Variants in SFR1 observed in about 807,000 individuals in gnomAD.
SFR1 encodes the protein swi5-dependent recombination DNA repair protein 1 homolog.
In SFR1, 24 loss-of-function variants were observed where a neutral mutation model predicts 26.2. The observed-to-expected ratio is 0.92, with a 90% CI of 0.66 to 1.29. The LOEUF is 1.29. SFR1 is among the 50% of genes most tolerant of loss of function. The pLI, the probability that SFR1 is intolerant of heterozygous loss-of-function variation, is 0.00. For missense variants in SFR1, 276 were observed against 270.2 expected, an observed-to-expected ratio of 1.02 and a Z score of -0.15; for synonymous variants, 77 against 96.6, an observed-to-expected ratio of 0.80 and a Z score of 1.19.
At chr10:104,122,359 G>A (rs1354816071) in intron 1 of SFR1, 163 bp downstream of exon 1, 1 of 985,216 alleles carries the variant, frequency 1.0e-6, no homozygotes, top group African/African-American at 1.7e-5. Flanking sequence ...GGGGAAGGAG[G>A]GGACGACTCC....
At chr10:104,122,383 C>T (rs2086973977) in intron 1 of SFR1, 187 bp downstream of exon 1, 8 of 985,434 alleles carry the variant, frequency 8.1e-6, no homozygotes, top group South Asian at 9.4e-5. Context: ...CCCTAGTTTA[C>T]CCCTCAAAAG....
rs747031816 is a variant in SFR1, at chr10:104,122,215, G to A, written c.13+19G>A. 17 of 1,537,340 alleles carry A rather than the reference G, an allele frequency of 1.1e-5. No individual in the cohort carries two copies. The highest frequency in any genetic ancestry group is 1.4e-5 in the Non-Finnish European group (16 of 1,140,102). Reference sequence around the variant, plus strand: ...GAGGGAGGTACCCTGCTGAGGGGAAGGGGGGATCCCTGACACCTGGGCTTC... The same window carrying A: ...GAGGGAGGTACCCTGCTGAGGGGAAAGGGGGATCCCTGACACCTGGGCTTC... On this transcript the variant is annotated intron_variant, in intron 1 of 3. Transcript: ENST00000369727.
chr10:104,125,964 C>T lies in SFR1; in HGVS notation c.*260C>T, dbSNP rs1031593051. 12 of 248,498 alleles carry T rather than the reference C, an allele frequency of 4.8e-5. No individual in the cohort carries two copies. The highest frequency in any genetic ancestry group is 2.6e-4 in the Admixed American group (5 of 19,124). The allele number at this position is 248,498 out of a possible 1,614,324, so 15.4% of individuals were successfully genotyped here. A position where few individuals can be genotyped will look rare whatever the true frequency, so the allele number is the denominator to read the frequency against. The stretch of plus-strand genomic sequence containing the variant: ...CATTTTTAGTAGAGACTGGGTTTCA[C>T]CACGTTGGCCAGGCTGGTCTCGAAC... On this transcript the variant is annotated 3_prime_UTR_variant, in exon 4 of 4. Transcript: ENST00000369727.
In SFR1 at chr10:104,122,889, A is replaced by G. The variant is rs1345075984; in HGVS notation, c.14-76A>G. 9 of 1,583,100 alleles carry G rather than the reference A, an allele frequency of 5.7e-6. No individual in the cohort carries two copies. In the South Asian group the frequency reaches 8.9e-5, roughly 16 times the overall value. On this transcript the variant is annotated intron_variant, in intron 1 of 3. Transcript: ENST00000369727. ...ACTTGTGGATGCTTTGTACACCAAT[A>G]CAATATATTATTTGATAAAAGTCGA...
rs758768668 is a variant in SFR1 at position 104,125,534 on chromosome 10, T to G, written c.568T>G (p.Leu190Val). The G allele has an allele frequency of 1.2e-6, 2 of 1,612,304 alleles. No individual in the cohort carries two copies. The highest frequency in any genetic ancestry group is 2.2e-5 in the South Asian group (2 of 90,794). Reference protein sequence around the residue: ...RSKNDLSQLQLLIKKWRSCSQ... With the variant: ...RSKNDLSQLQVLIKKWRSCSQ... The stretch of plus-strand genomic sequence containing the variant: ...TCAGAATGATCTGTCTCAGTTACAG[T>G]TGTTAATAAAGAAGTGGAGAAGCTG... The change falls in exon 4 of 4, where the codon TTG becomes GTG. Residue 190 changes from leucine to valine, a missense_variant. By Grantham distance (32) the Leu-to-Val change is conservative. Transcript: ENST00000369727.
chr10:104,122,151 G>A (rs1473426350), upstream of SFR1: 1 of 1,547,042 alleles, frequency 6.5e-7, no homozygotes, highest in Admixed American at 2.0e-5. Context: ...ATTTACGGCC[G>A]CAGGTGCGCG....
chr10:104,122,278 T>C (rs1474704473), intron 1 of SFR1, 82 bp downstream of exon 1: 1 of 1,459,208 alleles, frequency 6.9e-7, no homozygotes, highest in East Asian at 2.8e-5. Flanking sequence ...GAGCTCCCTT[T>C]CCGGGTCTGG....
Position 104,122,195 on chromosome 10 carries a change from A to G in SFR1, c.12A>G (p.Gly4=), listed in dbSNP as rs1299399322. Residue 4 remains glycine (G), a splice_region_variant and synonymous_variant, in exon 1 of 4, where the codon GGA becomes GGG. Transcript: ENST00000369727. MAE[G]EKNQDFTFKM... ...TGCTCTCGCTGGGAATGGCGGAGGGAGGTACCCTGCTGAGGGGAAGGGGGG... is the reference window on the plus strand; with the variant it reads ...TGCTCTCGCTGGGAATGGCGGAGGGGGGTACCCTGCTGAGGGGAAGGGGGG... 5 of 1,545,196 alleles carry G rather than the reference A, an allele frequency of 3.2e-6. No individual in the cohort carries two copies. The highest frequency in any genetic ancestry group is 2.5e-5 in the East Asian group (1 of 40,298).
intron 1 of SFR1, 131 bp downstream of exon 1, chr10:104,122,327 A>G (rs1041286645): frequency 1.4e-6 from 2 of 1,395,690 alleles, no homozygotes; most frequent in South Asian, 3.1e-5. Context: ...TCTCCGGGGA[A>G]CTAGTGGGCT....
chr10:104,123,969 G>A lies in SFR1; in HGVS notation c.391G>A (p.Asp131Asn). 6.2e-7 allele frequency: 1 copy of A among 1,613,916 alleles called. No homozygotes were observed. Among genetic ancestry groups the A allele is most frequent in the Non-Finnish European group, 8.5e-7 (1 of 1,179,918 alleles). Residue 131 changes from aspartate to asparagine, a missense_variant, in exon 3 of 4, where the codon GAT (aspartate) becomes AAT (asparagine). Transcript: ENST00000369727. ...NLNVCESQSL[D>N]SGSCSALQNE... is the part of the protein sequence containing the mutation. ...CAATGTCTGTGAATCTCAGTCACTT[G>A]ATTCTGGATCATGCAGTGCTCTCCA...
chr10:104,122,371 G>T, intron 1 of SFR1, 175 bp downstream of exon 1: 12 of 985,340 alleles, frequency 1.2e-5, no homozygotes, highest in Non-Finnish European at 1.4e-5. Context: ...GACGACTCCC[G>T]CCCCTAGTTT....
chr10:104,124,941 C>T (rs550294105), intron 3 of SFR1, among the ~76,000 whole-genome samples: 34 of 152,036 alleles, frequency 2.2e-4, no homozygotes, highest in African/African-American at 8.2e-4. Context: ...GGACTACAGA[C>T]ATGTGCCATC....
chr10:104,123,580 T>G lies in SFR1; in HGVS notation c.136-134T>G, dbSNP rs1004012639. 5.0e-6 allele frequency: 3 copies of G among 598,540 alleles called. No individual in the cohort carries two copies. In the Admixed American group the frequency reaches 1.1e-4, roughly 23 times the overall value. The allele number at this position is 598,540 out of a possible 1,614,324, so 37.1% of individuals were successfully genotyped here. ...GAAATTAAAGTCATTTTGTGATGCC[T>G]TCTTTAGATGTGGAGACAGAAAGCC... On this transcript the variant is annotated intron_variant, in intron 2 of 3. Transcript: ENST00000369727.
rs570168695 is a variant in SFR1, at chr10:104,125,589, C to T, written c.623C>T (p.Ser208Leu). Residue 208 changes from serine (S) to leucine (L), a missense_variant, in exon 4 of 4, where the codon TCA becomes TTA. Ser to Leu is a moderately radical substitution (Grantham distance 145). Transcript: ENST00000369727. ...CSQLLLYELQSAVSEENKKLS... is the reference protein window; with the variant it reads ...CSQLLLYELQLAVSEENKKLS... ...CAGCTCTTGCTTTATGAGTTGCAGT[C>T]AGCTGTGTCTGAAGAGAACAAGAAA... 1.4e-4 allele frequency: 233 copies of T among 1,613,664 alleles called. 1 individual carries two copies. The Middle Eastern group carries it at 3.1e-3, about 22-fold the overall frequency.
At position 104,125,756 on chromosome 10, in the gene SFR1, A is replaced by C; in HGVS notation, c.*52A>C. 1 of 1,281,890 alleles carries C rather than the reference A, an allele frequency of 7.8e-7. No homozygotes were observed. Among genetic ancestry groups the C allele is most frequent in the South Asian group, 1.4e-5 (1 of 72,798 alleles). The allele number at this position is 1,281,890 out of a possible 1,614,324, so 79.4% of individuals were successfully genotyped here. A position where few individuals can be genotyped will look rare whatever the true frequency, so the allele number is the denominator to read the frequency against. ...TTGAGAATGACAACTTAATTAAAAG[A>C]TACTTAGGCACTTTTTTTTTTTTTT... is the stretch of plus-strand genomic sequence containing the variant. On this transcript the variant is annotated 3_prime_UTR_variant, in exon 4 of 4. Coordinates refer to ENST00000369727, the MANE Select transcript of SFR1 (RefSeq NM_001002759.2).
Position 104,124,064 on chromosome 10 carries a change from G to T in SFR1, c.486G>T (p.Gln162His). The T allele has an allele frequency of 6.2e-7, 1 of 1,613,768 alleles. No homozygotes were observed. The highest frequency in any genetic ancestry group is 1.3e-5 in the African/African-American group (1 of 75,022). The stretch of plus-strand genomic sequence containing the variant: ...CTGAAAAAGCCAAATTGGTGAAGCA[G>T]GTTCAGGAGAAAGAAGACCTTCTTC... ...LNAEKAKLVK[Q>H]VQEKEDLLRR... The change falls in exon 3 of 4, where the codon CAG becomes CAT. Residue 162 changes from glutamine to histidine, a missense_variant. Coordinates refer to ENST00000369727, the MANE Select transcript of SFR1 (RefSeq NM_001002759.2).
rs2087015882 is a variant in SFR1 at position 104,125,514 on chromosome 10, A to G, written c.548A>G (p.Asn183Ser). 2 of 1,601,754 alleles carry G rather than the reference A, an allele frequency of 1.2e-6. No individual in the cohort carries two copies. The highest frequency in any genetic ancestry group is 8.5e-7 in the Non-Finnish European group (1 of 1,176,630). Residue 183 changes from asparagine (N) to serine (S), a missense_variant and splice_region_variant, in exon 4 of 4, where the codon AAT (asparagine) becomes AGT (serine). Coordinates refer to ENST00000369727, the MANE Select transcript of SFR1 (RefSeq NM_001002759.2). Reference protein sequence around the residue: ...LKLVKMYRSKNDLSQLQLLIK... With the variant: ...LKLVKMYRSKSDLSQLQLLIK... ...TACATGTTTTTTTTTCTGTTTCAGA[A>G]TGATCTGTCTCAGTTACAGTTGTTA...
chr10:104,124,273 C>T lies in SFR1; in HGVS notation c.546+149C>T, dbSNP rs930693541. On this transcript the variant is annotated intron_variant, in intron 3 of 3. Transcript: ENST00000369727. ...GCTTCCAACAGCTTTAATTCAACTC[C>T]AGATTTAGAGTAGAAAAGGCCCTTA... 41 of 678,834 alleles carry T rather than the reference C, an allele frequency of 6.0e-5. No homozygotes were observed. The African/African-American group carries it at 7.1e-4, about 12-fold the overall frequency. 42.1% of individuals were successfully genotyped at this position (678,834 alleles called of 1,614,324 possible).
intron 1 of SFR1, chr10:104,122,738 C>A: frequency 6.9e-7 from 1 of 1,444,150 alleles, no homozygotes; most frequent in Non-Finnish European, 9.1e-7. Flanking sequence ...AGTCTTGTGA[C>A]TATGAGATAC....
Sources: gnomAD v4.1 joint callset for allele counts (sites outside exome capture counted in the v4.1 genomes callset) on GRCh38, gnomAD v4.1.1 for gene constraint, MANE v1.5 for transcripts, NCBI Gene and HGNC (gene_info 2026-07-23, HGNC 2026-07-21) for gene names.